The following EYS variants were observed in gnomAD, a reference collection of about 807,000 sequenced individuals.
EYS encodes protein eyes shut homolog.
In EYS, 250 loss-of-function variants were observed where a neutral mutation model predicts 282.1. The ratio of observed to expected loss-of-function variants is 0.89; its 90% CI spans 0.80 to 0.98. The LOEUF (loss-of-function observed/expected upper bound fraction) is 0.98, where lower values mean the gene tolerates loss of function less well. Among genes scored for constraint, EYS ranks in the 50% least tolerant of loss-of-function variants. The pLI is 0.00. For synonymous variants in EYS, 1,355 were observed against 1,282.9 expected (o/e 1.06, Z -1.20); for missense variants, 4,016 against 3,709.0 (o/e 1.08, Z -2.15).
At chr6:65,656,663 A>G (rs1767842432) in intron 1 of EYS, among the ~76,000 whole-genome samples, 1 of 151,910 alleles carries the variant, frequency 6.6e-6, no homozygotes, top group African/African-American at 2.4e-5. Flanking sequence ...ATGTTTGTTC[A>G]TGAGGTTTAC....
intron 7 of EYS, among the ~76,000 whole-genome samples, chr6:65,390,513 T>C (rs1256181586): frequency 1.3e-5 from 2 of 151,560 alleles, no homozygotes; most frequent in Non-Finnish European, 2.9e-5. Flanking sequence ...TGTAGAAGAA[T>C]GAATAGTGAC....
chr6:64,656,322 G>A (rs1768743043), intron 22 of EYS, among the ~76,000 whole-genome samples: 1 of 152,068 alleles, frequency 6.6e-6, no homozygotes, highest in South Asian at 2.1e-4. Context: ...AGTTAGGGGA[G>A]CATTAGCAAT....
intron 29 of EYS, among the ~76,000 whole-genome samples, chr6:64,324,688 A>G (rs1053241914): frequency 2.6e-5 from 4 of 152,334 alleles, no homozygotes; most frequent in Non-Finnish European, 4.4e-5. Context: ...TCTTTCTTCA[A>G]TGTGATGGGA....
intron 11 of EYS, among the ~76,000 whole-genome samples, chr6:65,325,731 T>C (rs992617366): frequency 3.3e-5 from 5 of 152,074 alleles, no homozygotes; most frequent in African/African-American, 1.2e-4. Context: ...GTAGGGACAC[T>C]CTGACTCCTA....
chr6:64,072,352 C>T (rs971719601), intron 32 of EYS, among the ~76,000 whole-genome samples: 7 of 151,544 alleles, frequency 4.6e-5, no homozygotes, highest in South Asian at 2.1e-4. Context: ...ATCTTTTCTG[C>T]GTCTTCTGAG....
At chr6:64,462,176 A>G (rs1775770657) in intron 26 of EYS, among the ~76,000 whole-genome samples, 1 of 152,220 alleles carries the variant, frequency 6.6e-6, no homozygotes, top group South Asian at 2.1e-4. Context: ...TTATTGAGAA[A>G]TAATTTCATT....
At chr6:64,985,566 TA>T (rs1330380085) in intron 14 of EYS, among the ~76,000 whole-genome samples, 1 of 151,462 alleles carries the variant, frequency 6.6e-6, no homozygotes. Context: ...AAAATAAATT[TA>T]AAAAACCTTT....
intron 13 of EYS, among the ~76,000 whole-genome samples, chr6:65,051,985 G>C (rs1186341278): frequency 6.6e-6 from 1 of 151,492 alleles, no homozygotes; most frequent in Admixed American, 6.6e-5. Context: ...TCATTGGTAA[G>C]TAAGACACTT....
chr6:63,729,885 T>C (rs937458034), intron 41 of EYS, among the ~76,000 whole-genome samples: 1 of 152,198 alleles, frequency 6.6e-6, no homozygotes, highest in East Asian at 1.9e-4. Flanking sequence ...GAAATACCTA[T>C]ACATATGATA....
chr6:64,881,465 T>C (rs1246779615), intron 19 of EYS, among the ~76,000 whole-genome samples: 2 of 151,908 alleles, frequency 1.3e-5, no homozygotes, highest in Non-Finnish European at 2.9e-5. Context: ...GGTAATCTTA[T>C]CTGGATGAAT....
rs150872041 is a variant in EYS, at chr6:65,306,588, G to T, written c.1767-10469C>A. Among the ~76,000 whole-genome samples, 263 of 151,246 alleles carry T rather than the reference G, an allele frequency of 1.7e-3. 2 individuals carry two copies. The highest frequency in any genetic ancestry group is 5.9e-3 in the African/African-American group (242 of 41,206). ...GGTATTAGTCAATGTTTCGTGTTCC[G>T]CATTATTTGAACCATTTGCCCTTAC... On this transcript the variant is annotated intron_variant, in intron 11 of 42. Transcript: ENST00000503581.
chr6:65,272,436 A>C (rs1398177118), intron 12 of EYS, among the ~76,000 whole-genome samples: 1 of 152,122 alleles, frequency 6.6e-6, no homozygotes, highest in African/African-American at 2.4e-5. Context: ...CTCACTAAAG[A>C]GTGACTTAGG....
rs138097529 is a variant in EYS, at chr6:65,572,380, C to G, written c.-333+67398G>C. On this transcript the variant is annotated intron_variant, in intron 2 of 42. Transcript: ENST00000503581. ...ACAGTTCTTTAAAAAGGCACAGAAG[C>G]CAAAAATAATAATAAACAATGTTGT... Among the ~76,000 whole-genome samples the G allele has an allele frequency of 3.5e-3, 529 of 151,822 alleles. 2 individuals carry two copies. Among genetic ancestry groups the G allele is most frequent in the African/African-American group, 0.012 (514 of 41,458 alleles).
chr6:65,602,461 A>G (rs1359775613), intron 2 of EYS, among the ~76,000 whole-genome samples: 1 of 151,986 alleles, frequency 6.6e-6, no homozygotes, highest in Admixed American at 6.6e-5. Flanking sequence ...GTATAATTCC[A>G]CAAATGTTTT....
At chr6:65,611,411 A>T (rs1765995237) in intron 2 of EYS, among the ~76,000 whole-genome samples, 1 of 152,006 alleles carries the variant, frequency 6.6e-6, no homozygotes, top group East Asian at 1.9e-4. Flanking sequence ...TGAATATAAT[A>T]TGGGTATATA....
intron 2 of EYS, among the ~76,000 whole-genome samples, chr6:65,597,972 C>T (rs1380147192): frequency 1.3e-5 from 2 of 151,902 alleles, no homozygotes; most frequent in Non-Finnish European, 2.9e-5. Flanking sequence ...TGGTGGCATG[C>T]ACCTGTAGTC....
chr6:64,628,528 C>A lies in EYS; in HGVS notation c.3444-2283G>T, dbSNP rs117154281. ...ACTCAAAGTAATCCTCACACCTCAG[C>A]CTCCCACATAGGACTACAGGTGGTG... On this transcript the variant is annotated intron_variant, in intron 22 of 42. Transcript: ENST00000503581. Among the ~76,000 whole-genome samples the A allele has an allele frequency of 8.8e-4, 134 of 152,250 alleles. No individual in the cohort carries two copies. In the East Asian group the frequency reaches 0.017, roughly 19 times the overall value.
At chr6:63,759,066 G>A (rs879375370) in intron 41 of EYS, among the ~76,000 whole-genome samples, 1 of 152,122 alleles carries the variant, frequency 6.6e-6, no homozygotes, top group African/African-American at 2.4e-5. Context: ...TTCAATGTAT[G>A]TATTTTTTGT....
intron 35 of EYS, among the ~76,000 whole-genome samples, chr6:63,967,249 T>A (rs1766351575): frequency 6.6e-6 from 1 of 152,184 alleles, no homozygotes; most frequent in African/African-American, 2.4e-5. Flanking sequence ...CTTCATCATG[T>A]TATTCAGGAG....
Sources: allele counts gnomAD v4.1 joint callset (sites outside exome capture counted in the v4.1 genomes callset), GRCh38; gene constraint gnomAD v4.1.1; transcripts MANE v1.5; gene names NCBI Gene and HGNC (gene_info 2026-07-23, HGNC 2026-07-21).